The following MTPN variants were observed in gnomAD, a reference collection of about 807,000 sequenced individuals.
MTPN encodes the protein myotrophin.
MTPN carries 2 observed loss-of-function variants against 13.5 expected under a neutral mutation model. The ratio of observed to expected loss-of-function variants is 0.15; its 90% CI spans 0.06 to 0.47. The LOEUF (loss-of-function observed/expected upper bound fraction) is 0.47. Ranked by LOEUF, MTPN falls within the 20% of genes least tolerant of loss-of-function variation. The pLI is 0.97. For synonymous variants in MTPN, 46 were observed against 51.7 expected, an observed-to-expected ratio of 0.89 and a Z score of 0.48; for missense variants, 79 against 137.9, an observed-to-expected ratio of 0.57 and a Z score of 2.14.
At chr7:135,958,043 C>T (rs1404961326) in intron 1 of MTPN, among the ~76,000 whole-genome samples, 2 of 149,184 alleles carry the variant, frequency 1.3e-5, no homozygotes, top group Non-Finnish European at 3.0e-5. Context: ...GACTAAAACA[C>T]GTGGCATTTT....
chr7:135,960,363 T>C (rs1199313665), intron 1 of MTPN, among the ~76,000 whole-genome samples: 1 of 152,056 alleles, frequency 6.6e-6, no homozygotes, highest in Non-Finnish European at 1.5e-5. Flanking sequence ...TTTTAAACAA[T>C]GTAATGAAGT....
chr7:135,965,655 T>C (rs1369255491), intron 1 of MTPN, among the ~76,000 whole-genome samples: 3 of 152,108 alleles, frequency 2.0e-5, no homozygotes, highest in South Asian at 2.1e-4. Context: ...TCTAAAATGA[T>C]AGTCATGAGA....
At chr7:135,939,465 C>A (rs1799168848) in intron 3 of MTPN, among the ~76,000 whole-genome samples, 1 of 151,694 alleles carries the variant, frequency 6.6e-6, no homozygotes, top group African/African-American at 2.4e-5. Flanking sequence ...AGGTGACTAT[C>A]TGACCTAATT....
At chr7:135,968,689 GTAT>G (rs1799642654) in intron 1 of MTPN, among the ~76,000 whole-genome samples, 1 of 144,846 alleles carries the variant, frequency 6.9e-6, no homozygotes, top group South Asian at 2.2e-4. Flanking sequence ...AAAAGTTAAA[GTAT>G]TATGTCCCAC....
At chr7:135,939,496 C>A (rs1056387660) in intron 3 of MTPN, among the ~76,000 whole-genome samples, 2 of 149,200 alleles carry the variant, frequency 1.3e-5, no homozygotes, top group African/African-American at 4.9e-5. Flanking sequence ...CTCTTTCCCC[C>A]CTCTTCCTGT....
chr7:135,962,168 G>A (rs1308070639), intron 1 of MTPN, among the ~76,000 whole-genome samples: 1 of 151,876 alleles, frequency 6.6e-6, no homozygotes. Flanking sequence ...ACATTCTGAA[G>A]TCTAAAACCT....
chr7:135,962,657 G>A (rs901959023), intron 1 of MTPN, among the ~76,000 whole-genome samples: 2 of 151,712 alleles, frequency 1.3e-5, no homozygotes, highest in Non-Finnish European at 2.9e-5. Context: ...ACAAATAAGC[G>A]GTATGTTTTT....
At chr7:135,944,314 T>C (rs967491353) in intron 3 of MTPN, among the ~76,000 whole-genome samples, 10 of 152,164 alleles carry the variant, frequency 6.6e-5, no homozygotes, top group African/African-American at 2.4e-4. Context: ...GTACATTATA[T>C]GGAATTTTAA....
At chr7:135,950,447 C>T (rs1242371696) in intron 3 of MTPN, 152 bp downstream of exon 3, 2 of 633,026 alleles carry the variant, frequency 3.2e-6, no homozygotes, top group African/African-American at 1.9e-5. Context: ...AGTTTATGGG[C>T]CAGCTATTTT....
chr7:135,974,630 A>G, intron 1 of MTPN, among the ~76,000 whole-genome samples: 1 of 152,246 alleles, frequency 6.6e-6, no homozygotes, highest in East Asian at 1.9e-4. Flanking sequence ...AGATCTTCAC[A>G]GGAATGTTGA....
At chr7:135,943,494 G>A (rs916482063) in intron 3 of MTPN, among the ~76,000 whole-genome samples, 1 of 152,120 alleles carries the variant, frequency 6.6e-6, no homozygotes, top group African/African-American at 2.4e-5. Flanking sequence ...AAACATGAAT[G>A]TTACCAGACA....
chr7:135,969,183 A>G (rs1799654028), intron 1 of MTPN, among the ~76,000 whole-genome samples: 1 of 148,632 alleles, frequency 6.7e-6, no homozygotes. Flanking sequence ...GCACATGTAT[A>G]CATATGCAAC....
intron 1 of MTPN, among the ~76,000 whole-genome samples, chr7:135,967,991 T>C (rs1387573789): frequency 6.6e-6 from 1 of 152,178 alleles, no homozygotes; most frequent in Non-Finnish European, 1.5e-5. Context: ...GAAGTCTTGC[T>C]ATGTTGCCCA....
intron 3 of MTPN, among the ~76,000 whole-genome samples, chr7:135,933,240 T>A (rs1343800401): frequency 6.6e-6 from 1 of 152,188 alleles, no homozygotes; most frequent in Non-Finnish European, 1.5e-5. Flanking sequence ...AATATACTCA[T>A]GCTGATATTT....
chr7:135,951,976 A>C (rs1459320253), intron 1 of MTPN, among the ~76,000 whole-genome samples: 1 of 152,246 alleles, frequency 6.6e-6, no homozygotes, highest in Non-Finnish European at 1.5e-5. Context: ...GATTTTACAC[A>C]GTTCATATTA....
intron 2 of MTPN, among the ~76,000 whole-genome samples, 176 bp from the exon 3 acceptor site, chr7:135,950,858 C>T (rs773295774): frequency 1.3e-5 from 2 of 152,142 alleles, no homozygotes; most frequent in Admixed American, 6.5e-5. Context: ...CCCAAGCCCA[C>T]GAGCAATGTC....
intron 3 of MTPN, among the ~76,000 whole-genome samples, chr7:135,944,356 T>C (rs1174664549): frequency 6.6e-6 from 1 of 152,076 alleles, no homozygotes; most frequent in Non-Finnish European, 1.5e-5. Flanking sequence ...TCTTCAATAT[T>C]ATATGTATTA....
chr7:135,952,013 T>C (rs1219254026), intron 1 of MTPN, among the ~76,000 whole-genome samples: 1 of 152,226 alleles, frequency 6.6e-6, no homozygotes, highest in Non-Finnish European at 1.5e-5. Flanking sequence ...TCAAAGAAAG[T>C]ATTCCCACTT....
intron 3 of MTPN, chr7:135,932,937 A>T (rs1266463892): frequency 2.6e-5 from 4 of 152,022 alleles, no homozygotes; most frequent in African/African-American, 4.8e-5. Flanking sequence ...TAAAAACATA[A>T]AAATTAGCCT....
Sources: allele counts gnomAD v4.1 joint callset (sites outside exome capture counted in the v4.1 genomes callset), GRCh38; gene constraint gnomAD v4.1.1; transcripts MANE v1.5; gene names NCBI Gene and HGNC (gene_info 2026-07-23, HGNC 2026-07-21).